Variants in WDR31 observed in about 807,000 individuals in gnomAD.
The protein encoded by WDR31 is WD repeat-containing protein 31.
WDR31 carries 30 observed loss-of-function variants against 47.3 expected under a neutral mutation model. The ratio of observed to expected loss-of-function variants is 0.63; its 90% confidence interval spans 0.47 to 0.86. WDR31 has a LOEUF of 0.86. WDR31 is among the 40% of genes least tolerant of loss of function. WDR31 has a pLI of 0.00. For synonymous variants in WDR31, 137 were observed against 159.4 expected (o/e 0.86, Z 1.06); for missense variants, 406 against 442.9 (o/e 0.92, Z 0.75).
chr9:113,325,437 C>CT (rs1314750354), intron 5 of WDR31, among the ~76,000 whole-genome samples: 3 of 151,878 alleles, frequency 2.0e-5, no homozygotes, highest in Non-Finnish European at 2.9e-5. Flanking sequence ...TCATTGTCTT[C>CT]TTTTTCTATA....
chr9:113,337,247 C>A (rs1833733858), intron 1 of WDR31, among the ~76,000 whole-genome samples: 1 of 152,140 alleles, frequency 6.6e-6, no homozygotes, highest in African/African-American at 2.4e-5. Flanking sequence ...CTATCATTGA[C>A]TTCTGTGAAG....
chr9:113,329,985 T>A (rs1833560287), intron 4 of WDR31, among the ~76,000 whole-genome samples: 1 of 151,734 alleles, frequency 6.6e-6, no homozygotes, highest in African/African-American at 2.4e-5. Flanking sequence ...CTGTCTCAAA[T>A]AATAATAATA....
chr9:113,333,182 T>G (rs1833636507), intron 2 of WDR31, among the ~76,000 whole-genome samples: 1 of 152,080 alleles, frequency 6.6e-6, no homozygotes, highest in African/African-American at 2.4e-5. Flanking sequence ...GTGATGATGG[T>G]TGCACAACAA....
chr9:113,329,467 C>T (rs1159775823), intron 4 of WDR31, among the ~76,000 whole-genome samples: 2 of 150,514 alleles, frequency 1.3e-5, no homozygotes, highest in Non-Finnish European at 3.0e-5. Flanking sequence ...ATGGAGAAAC[C>T]CCATCTCTAC....
intron 10 of WDR31, among the ~76,000 whole-genome samples, chr9:113,317,901 C>G (rs1474985988): frequency 1.3e-5 from 2 of 152,174 alleles, no homozygotes; most frequent in East Asian, 3.8e-4. Flanking sequence ...TTCAGGCTAC[C>G]AAAGGTTTAA....
chr9:113,334,050 C>T (rs1833662780), intron 2 of WDR31, among the ~76,000 whole-genome samples: 1 of 151,796 alleles, frequency 6.6e-6, no homozygotes, highest in East Asian at 1.9e-4. Flanking sequence ...ACTCTATCAC[C>T]CAGGCTGGAG....
At chr9:113,324,873 T>TAC (rs1833425431) in intron 5 of WDR31, among the ~76,000 whole-genome samples, 1 of 150,250 alleles carries the variant, frequency 6.7e-6, no homozygotes, top group South Asian at 2.1e-4. Flanking sequence ...TGTGTGTGTG[T>TAC]ACAAATATCT....
At chr9:113,321,128 G>A (rs531711031) in intron 8 of WDR31, among the ~76,000 whole-genome samples, 1 of 152,340 alleles carries the variant, frequency 6.6e-6, no homozygotes, top group South Asian at 2.1e-4. Flanking sequence ...GAGGGCTTCA[G>A]CTGAAGGCTG....
In WDR31 at chr9:113,332,071, T is replaced by C. The variant is rs958865087; in HGVS notation, c.-28-21A>G. On this transcript the variant is annotated intron_variant, in intron 2 of 10. Coordinates refer to ENST00000374193, the MANE Select transcript of WDR31 (RefSeq NM_001012361.4). ...GTTCCCTGTTTAATAAAAAGAAGAA[T>C]ACATGTTGTTAATTTTGTTAGGCAC... 4 of 1,521,136 alleles carry C rather than the reference T, an allele frequency of 2.6e-6. No individual in the cohort carries two copies. The African/African-American group carries it at 4.1e-5, about 16-fold the overall frequency. 94.2% of individuals were successfully genotyped at this position (1,521,136 alleles called of 1,614,324 possible).
At chr9:113,324,141 T>G (rs767357727) in intron 5 of WDR31, among the ~76,000 whole-genome samples, 1 of 152,108 alleles carries the variant, frequency 6.6e-6, no homozygotes, top group Non-Finnish European at 1.5e-5. Context: ...ATCACCACTA[T>G]CATCTCTAGA....
chr9:113,325,170 G>C (rs959012166), intron 5 of WDR31, among the ~76,000 whole-genome samples: 2 of 151,742 alleles, frequency 1.3e-5, no homozygotes, highest in Admixed American at 6.6e-5. Context: ...GGCCAGGCTG[G>C]TCTTGAACTC....
At chr9:113,335,330 G>A (rs1361790557) in intron 2 of WDR31, among the ~76,000 whole-genome samples, 1 of 152,130 alleles carries the variant, frequency 6.6e-6, no homozygotes, top group African/African-American at 2.4e-5. Flanking sequence ...GGAACCTAAC[G>A]AAGGACCAGT....
rs938266272 is a variant in WDR31, at chr9:113,340,269, T to C, written c.-234A>G. On this transcript the variant is annotated 5_prime_UTR_variant, in exon 1 of 11. Transcript: ENST00000374193. ...CCGGCGGGAACGCGGAGCCTGGGGG[T>C]GGGAACAGCCTCCGAGCCCTCCCGC... 1.3e-5 allele frequency: 2 copies of C among 151,502 alleles called. No individual in the cohort carries two copies. Among genetic ancestry groups the C allele is most frequent in the Non-Finnish European group, 2.9e-5 (2 of 67,834 alleles). 9.4% of individuals were successfully genotyped at this position (151,502 alleles called of 1,614,324 possible).
Position 113,322,413 on chromosome 9 carries a change from A to G in WDR31, c.570+398T>C, listed in dbSNP as rs562107693. 6.6e-5 allele frequency among the ~76,000 whole-genome samples: 10 copies of G among 152,266 alleles called. No individual in the cohort carries two copies. In the South Asian group the frequency reaches 2.1e-3, roughly 32 times the overall value. On this transcript the variant is annotated intron_variant, in intron 7 of 10. Transcript: ENST00000374193. ...GCAATGCAAATTCTACATAAAGCAA[A>G]AGGTAATGCTTATTTCTCCACATGA... is the stretch of plus-strand genomic sequence containing the variant.
At chr9:113,327,312 T>A (rs373155347) in intron 5 of WDR31, among the ~76,000 whole-genome samples, 4 of 152,324 alleles carry the variant, frequency 2.6e-5, no homozygotes, top group East Asian at 1.9e-4. Flanking sequence ...CATATAGGCC[T>A]CACTTTGGAT....
At chr9:113,332,895 T>C (rs1426808516) in intron 2 of WDR31, among the ~76,000 whole-genome samples, 1 of 152,140 alleles carries the variant, frequency 6.6e-6, no homozygotes, top group Non-Finnish European at 1.5e-5. Context: ...ACGAATTGTT[T>C]TAAAAAAGCC....
In WDR31 at chr9:113,321,645, A is replaced by ATTACAG. The variant is rs562701232; in HGVS notation, c.571-68_571-67insCTGTAA. On this transcript the variant is annotated intron_variant, in intron 7 of 10. Coordinates refer to ENST00000374193, the MANE Select transcript of WDR31 (RefSeq NM_001012361.4). Reference sequence around the variant, plus strand: ...ATTCCTCTGCTGTAATTCCTGTCAAATGTGCTAACTAGCATCACTGTGCCT... The same window carrying ATTACAG: ...ATTCCTCTGCTGTAATTCCTGTCAAATTACAGTGTGCTAACTAGCATCACTGTGCCT... The ATTACAG allele has an allele frequency of 4.0e-4, 578 of 1,446,372 alleles. 1 individual carries two copies. Among genetic ancestry groups the ATTACAG allele is most frequent in the Non-Finnish European group, 5.1e-4 (532 of 1,036,744 alleles). The allele number at this position is 1,446,372 out of a possible 1,614,324, so 89.6% of individuals were successfully genotyped here.
At chr9:113,326,966 G>C (rs1304553084) in intron 5 of WDR31, among the ~76,000 whole-genome samples, 1 of 151,774 alleles carries the variant, frequency 6.6e-6, no homozygotes, top group Admixed American at 6.6e-5. Context: ...TTCCTGAGTA[G>C]CTGGGACTAT....
At chr9:113,325,162 C>T (rs1245368941) in intron 5 of WDR31, among the ~76,000 whole-genome samples, 2 of 151,720 alleles carry the variant, frequency 1.3e-5, no homozygotes, top group Admixed American at 1.3e-4. Flanking sequence ...GCCATGTTGG[C>T]CAGGCTGGTC....
Sources: allele counts gnomAD v4.1 joint callset (sites outside exome capture counted in the v4.1 genomes callset), GRCh38; gene constraint gnomAD v4.1.1; transcripts MANE v1.5; gene names NCBI Gene and HGNC (gene_info 2026-07-23, HGNC 2026-07-21).